The following LSM2 variants were observed in gnomAD, a reference collection of about 807,000 sequenced individuals.
LSM2 encodes the protein U6 snRNA-associated Sm-like protein LSm2.
In LSM2, 12 loss-of-function variants were observed where a neutral mutation model predicts 17.0. That is an observed-to-expected ratio of 0.70 (90% CI 0.45 to 1.14). The LOEUF (loss-of-function observed/expected upper bound fraction) is 1.14. Among genes scored for constraint, LSM2 ranks in the 50% most tolerant of loss-of-function variants. LSM2 has a pLI of 0.00. For missense variants in LSM2, 62 were observed against 111.8 expected, an observed-to-expected ratio of 0.55 and a Z score of 2.01; for synonymous variants, 42 against 44.5, an observed-to-expected ratio of 0.94 and a Z score of 0.22.
At chr6:31,804,924 G>A (rs760078516) in intron 2 of LSM2, among the ~76,000 whole-genome samples, 24 of 151,438 alleles carry the variant, frequency 1.6e-4, no homozygotes, top group Non-Finnish European at 2.1e-4. Context: ...ATGCCACCAC[G>A]CCTGGCTAAT....
chr6:31,806,245 A>G, intron 1 of LSM2, 103 bp from the exon 2 acceptor site: 1 of 1,051,988 alleles, frequency 9.5e-7, no homozygotes, highest in Non-Finnish European at 1.4e-6. Context: ...ACCCCACTGC[A>G]TCCCTGACAG....
intron 3 of LSM2, 29 bp from the exon 4 acceptor site, chr6:31,798,078 A>AT (rs772524179): frequency 5.3e-6 from 8 of 1,497,510 alleles, no homozygotes; most frequent in Admixed American, 2.4e-5. Flanking sequence ...CACCATTATT[A>AT]TTATTATTTT....
At chr6:31,798,592 T>C in intron 2 of LSM2, 85 bp from the exon 3 acceptor site, 1 of 1,491,392 alleles carries the variant, frequency 6.7e-7, no homozygotes, top group Admixed American at 1.8e-5. Flanking sequence ...GATGAGAACA[T>C]GACTGGGAGA....
chr6:31,798,084 ATT>A (rs9279422), intron 3 of LSM2, 35 bp from the exon 4 acceptor site: 2,978 of 1,227,396 alleles, frequency 2.4e-3, no homozygotes, highest in South Asian at 4.7e-3. Context: ...TATTATTATT[ATT>A]TTTTTTTTTT....
Position 31,806,242 on chromosome 6 carries a change from T to C in LSM2, c.4-100A>G, listed in dbSNP as rs1815028294. The C allele has an allele frequency of 6.4e-6, 7 of 1,090,424 alleles. No individual in the cohort carries two copies. The East Asian group carries it at 1.7e-4, about 27-fold the overall frequency. The allele number at this position is 1,090,424 out of a possible 1,614,324, so 67.5% of individuals were successfully genotyped here. A position where few individuals can be genotyped will look rare whatever the true frequency, so the allele number is the denominator to read the frequency against. On this transcript the variant is annotated intron_variant, in intron 1 of 4. Transcript: ENST00000375661. ...CAAATACTGGTATTGTGAACCCCACTGCATCCCTGACAGTTCTCAAAATTT... is the reference window on the plus strand; with the variant it reads ...CAAATACTGGTATTGTGAACCCCACCGCATCCCTGACAGTTCTCAAAATTT...
rs1814451128 is a variant in LSM2, at chr6:31,797,665, C to A, written c.*92G>T. 9 of 1,569,290 alleles carry A rather than the reference C, an allele frequency of 5.7e-6. No homozygotes were observed. Among genetic ancestry groups the A allele is most frequent in the South Asian group, 1.2e-5 (1 of 86,370 alleles). ...AACCATCATTAGTAAAAAAACAAAA[C>A]CCCTTCAAGTATTGGGGGTTAGGGG... On this transcript the variant is annotated 3_prime_UTR_variant, in exon 5 of 5. Coordinates refer to ENST00000375661, the MANE Select transcript of LSM2 (RefSeq NM_021177.5).
At chr6:31,800,108 G>A (rs1007741881) in intron 2 of LSM2, among the ~76,000 whole-genome samples, 5 of 152,078 alleles carry the variant, frequency 3.3e-5, no homozygotes, top group Non-Finnish European at 7.4e-5. Context: ...AGGACGAGGC[G>A]GGCGAATCAC....
rs752244381 is a variant in LSM2 at position 31,806,098 on chromosome 6, G to A, written c.48C>T (p.Val16=). The part of the protein sequence containing the change: ...FFKSLVGKDV[V]VELKNDLSIC... ...ACCTCAGGTCATTCTTTAGTTCCAC[G>A]ACCACATCCTTGCCCACAAGGGACT... is the stretch of plus-strand genomic sequence containing the variant. The change falls in exon 2 of 5, where the codon GTC becomes GTT. Residue 16 remains valine (V), a synonymous_variant. Coordinates refer to ENST00000375661, the MANE Select transcript of LSM2 (RefSeq NM_021177.5). 4.3e-6 allele frequency: 7 copies of A among 1,612,874 alleles called. No homozygotes were observed. In the African/African-American group the frequency reaches 5.3e-5, roughly 12 times the overall value.
chr6:31,806,355 CAG>C (rs201553434), intron 1 of LSM2: 47 of 610,696 alleles, frequency 7.7e-5, no homozygotes, highest in African/African-American at 7.2e-4. Context: ...CTTAAAGTCC[CAG>C]AGAGACTCTG....
intron 2 of LSM2, among the ~76,000 whole-genome samples, chr6:31,803,088 C>G (rs1814812949): frequency 6.6e-6 from 1 of 152,144 alleles, no homozygotes; most frequent in Non-Finnish European, 1.5e-5. Context: ...TGCTCTGTGG[C>G]CCCAATCTAT....
chr6:31,797,937 C>T, intron 4 of LSM2, 53 bp downstream of exon 4: 1 of 1,612,218 alleles, frequency 6.2e-7, no homozygotes, highest in East Asian at 2.2e-5. Context: ...TCTAACCACC[C>T]AGGGGCCTCC....
At chr6:31,797,968 T>A in intron 4 of LSM2, 22 bp downstream of exon 4, 1 of 1,609,178 alleles carries the variant, frequency 6.2e-7, no homozygotes. Context: ...GTGTTTCCTC[T>A]TCTCCACAGA....
chr6:31,800,246 G>C (rs1254778637), intron 2 of LSM2, among the ~76,000 whole-genome samples: 1 of 152,090 alleles, frequency 6.6e-6, no homozygotes, highest in Non-Finnish European at 1.5e-5. Context: ...TGAAGCAGGA[G>C]AATCACTTGA....
Position 31,797,595 on chromosome 6 carries a change from C to T in LSM2, c.*162G>A. 1 of 981,378 alleles carries T rather than the reference C, an allele frequency of 1.0e-6. No individual in the cohort carries two copies. The highest frequency in any genetic ancestry group is 1.5e-6 in the Non-Finnish European group (1 of 661,802). 60.8% of individuals were successfully genotyped at this position (981,378 alleles called of 1,614,324 possible). On this transcript the variant is annotated 3_prime_UTR_variant, in exon 5 of 5. Transcript: ENST00000375661. Reference sequence around the variant, plus strand: ...CCTTCTCAAGAGAGGATAGCTGTTCCCTATTACTCCTCTCATCCACTCATC... The same window carrying T: ...CCTTCTCAAGAGAGGATAGCTGTTCTCTATTACTCCTCTCATCCACTCATC...
At chr6:31,799,366 T>C (rs1030992329) in intron 2 of LSM2, among the ~76,000 whole-genome samples, 4 of 150,264 alleles carry the variant, frequency 2.7e-5, no homozygotes, top group Non-Finnish European at 5.9e-5. Flanking sequence ...GCCCAGCTGA[T>C]TTTTTTTTGA....
intron 2 of LSM2, among the ~76,000 whole-genome samples, chr6:31,805,840 G>C (rs553187647): frequency 3.3e-5 from 5 of 152,036 alleles, no homozygotes; most frequent in Non-Finnish European, 7.4e-5. Context: ...GCCTGGGCTA[G>C]AGTGCAATGG....
At position 31,806,575 on chromosome 6, in the gene LSM2, T is replaced by C. The variant is rs141656331; in HGVS notation, c.3+180A>G. The stretch of plus-strand genomic sequence containing the variant: ...AGGGTTGGGGTTTTTTCCCTCATCA[T>C]GGAAAAAATATCCCATTTGTTCTCA... On this transcript the variant is annotated intron_variant, in intron 1 of 4. Coordinates refer to ENST00000375661, the MANE Select transcript of LSM2 (RefSeq NM_021177.5). The C allele has an allele frequency of 5.9e-4, 516 of 868,690 alleles. 4 individuals carry two copies. The East Asian group carries it at 0.013, about 22-fold the overall frequency. 53.8% of individuals were successfully genotyped at this position (868,690 alleles called of 1,614,324 possible).
At chr6:31,800,761 C>A (rs146752130) in intron 2 of LSM2, among the ~76,000 whole-genome samples, 4,097 of 152,088 alleles carry the variant, frequency 0.027, 154 homozygotes, top group Non-Finnish European at 0.028. Flanking sequence ...GTGGCGGGCA[C>A]CTGTAGTCCC....
Position 31,806,761 on chromosome 6 carries a change from G to A in LSM2, c.-4C>T, listed in dbSNP as rs1291732641. ...TTGACGTCACGGTACCCACCATGGT[G>A]CTGGCGCCGCGGGCAGCGGGCCGGA... On this transcript the variant is annotated 5_prime_UTR_variant, in exon 1 of 5. Transcript: ENST00000375661. The A allele has an allele frequency of 6.2e-7, 1 of 1,609,990 alleles. No homozygotes were observed. Among genetic ancestry groups the A allele is most frequent in the Non-Finnish European group, 8.5e-7 (1 of 1,178,888 alleles).
Sources: gnomAD v4.1 joint callset for allele counts (sites outside exome capture counted in the v4.1 genomes callset) on GRCh38, gnomAD v4.1.1 for gene constraint, MANE v1.5 for transcripts, NCBI Gene and HGNC (gene_info 2026-07-23, HGNC 2026-07-21) for gene names.